The following NPAS2 variants were observed in gnomAD, a reference collection of about 807,000 sequenced individuals.
The protein encoded by NPAS2 is neuronal PAS domain protein 2, also known as neuronal PAS domain-containing protein 2.
In NPAS2, 23 loss-of-function variants were observed where a neutral mutation model predicts 107.5. The observed-to-expected ratio is 0.21, with a 90% CI of 0.15 to 0.30. The LOEUF is 0.30. Among genes scored for constraint, NPAS2 ranks in the 10% least tolerant of loss-of-function variants. The probability of loss-of-function intolerance (pLI) is 1.00; values close to 1 mark genes in which losing one functional copy is unlikely to be tolerated. For missense variants in NPAS2, 756 were observed against 1,043.3 expected (o/e 0.72, Z 3.79); for synonymous variants, 403 against 417.5 (o/e 0.97, Z 0.42).
At position 100,959,168 on chromosome 2, in the gene NPAS2, G is replaced by C. The variant is rs117103433; in HGVS notation, c.599-4890G>C. On this transcript the variant is annotated intron_variant, in intron 7 of 20. Transcript: ENST00000335681. ...TCCTGTGATCCCAGCTGCTTAGGAG[G>C]CTGAGGTGGGAGGATCAGTTGAGCC... 1.4e-3 allele frequency among the ~76,000 whole-genome samples: 208 copies of C among 151,984 alleles called. 5 individuals carry two copies. The East Asian group carries it at 0.033, about 24-fold the overall frequency.
At chr2:100,911,267 G>C (rs1682531221) in intron 2 of NPAS2, among the ~76,000 whole-genome samples, 1 of 152,116 alleles carries the variant, frequency 6.6e-6, no homozygotes. Context: ...CTTTCTTCAA[G>C]TAATTCTTCA....
intron 17 of NPAS2, chr2:100,989,954 T>G (rs1326808025): frequency 5.6e-6 from 2 of 357,136 alleles, no homozygotes; most frequent in East Asian, 1.1e-4. Flanking sequence ...GTAGGCCTGG[T>G]GAGTTGGAGA....
intron 2 of NPAS2, among the ~76,000 whole-genome samples, chr2:100,907,902 A>G (rs1265719065): frequency 6.6e-6 from 1 of 152,190 alleles, no homozygotes; most frequent in African/African-American, 2.4e-5. Context: ...CCTTGTACTC[A>G]AGAAGGAAAC....
rs147573869 is a variant in NPAS2, at chr2:100,924,357, A to G, written c.33-789A>G. The stretch of plus-strand genomic sequence containing the variant: ...ACCAGTATGGTGTCATACAGAGTGG[A>G]TTCACTGCCCTAAAAATCCTCTGTT... On this transcript the variant is annotated intron_variant, in intron 2 of 20. Coordinates refer to ENST00000335681, the MANE Select transcript of NPAS2 (RefSeq NM_002518.4). 2.3e-3 allele frequency among the ~76,000 whole-genome samples: 347 copies of G among 152,332 alleles called. 3 individuals carry two copies. Among genetic ancestry groups the G allele is most frequent in the African/African-American group, 8.1e-3 (336 of 41,594 alleles).
chr2:100,964,266 T>C (rs1286781440), intron 8 of NPAS2, 90 bp downstream of exon 8: 14 of 900,628 alleles, frequency 1.6e-5, no homozygotes, highest in Admixed American at 7.1e-5. Context: ...TGGGAGGGAA[T>C]AAATTGCAGT....
At chr2:100,967,349 C>G (rs1008532166) in intron 10 of NPAS2, among the ~76,000 whole-genome samples, 1 of 142,966 alleles carries the variant, frequency 7.0e-6, no homozygotes, top group Non-Finnish European at 1.5e-5. Flanking sequence ...GCCTCAGCCT[C>G]GTGAGTAGCT....
chr2:100,982,309 C>T lies in NPAS2; in HGVS notation c.1561C>T (p.Arg521Trp), dbSNP rs970914423. Residue 521 changes from arginine (R) to tryptophan (W), a missense_variant, in exon 16 of 21, where the codon CGG becomes TGG. Coordinates refer to ENST00000335681, the MANE Select transcript of NPAS2 (RefSeq NM_002518.4). ...QRTRILQANI[R>W]WQQEELHKIQ... Reference sequence around the variant, plus strand: ...GACGCGGATCCTGCAGGCCAATATCCGGTGGCAACAGGAAGAGCTCCACAA... The same window carrying T: ...GACGCGGATCCTGCAGGCCAATATCTGGTGGCAACAGGAAGAGCTCCACAA... The T allele has an allele frequency of 1.1e-5, 18 of 1,614,072 alleles. No homozygotes were observed. Among genetic ancestry groups the T allele is most frequent in the South Asian group, 2.2e-5 (2 of 91,082 alleles).
Position 100,995,544 on chromosome 2 carries a change from C to CT in NPAS2, c.2438dup (p.Ser814ValfsTer2). 6.2e-7 allele frequency: 1 copy of CT among 1,610,876 alleles called. No individual in the cohort carries two copies. The highest frequency in any genetic ancestry group is 1.1e-5 in the South Asian group (1 of 90,784). The stretch of plus-strand genomic sequence containing the variant: ...ACGTCCTCCCCGAAGGGTCAGCAGT[C>CT]TGTCTGAGTCGTCAGGCCTCCAGCA... On this transcript the variant is annotated frameshift_variant, in exon 21 of 21. Transcript: ENST00000335681. LOFTEE classifies it high-confidence loss of function.
chr2:100,893,841 C>T (rs1286013509), intron 1 of NPAS2, among the ~76,000 whole-genome samples: 1 of 152,186 alleles, frequency 6.6e-6, no homozygotes, highest in African/African-American at 2.4e-5. Context: ...GTGGTTGCAA[C>T]AAAGACTGGA....
In NPAS2 at chr2:100,974,823, A is replaced by T. The variant is rs779822835; in HGVS notation, c.1161A>T (p.Glu387Asp). ...TTCAGGACAAGGGCTCAAGCCTGGA[A>T]CCTCGGCAGCACTTTAACACACTCG... ...SALKDKGSSLEPRQHFNTLDV... is the reference protein window; with the variant it reads ...SALKDKGSSLDPRQHFNTLDV... The change falls in exon 13 of 21, where the codon GAA becomes GAT. Residue 387 changes from glutamate to aspartate, a missense_variant. By Grantham distance (45) the Glu-to-Asp change is conservative (BLOSUM62 2). Transcript: ENST00000335681. 1 of 1,614,040 alleles carries T rather than the reference A, an allele frequency of 6.2e-7. No homozygotes were observed. Among genetic ancestry groups the T allele is most frequent in the East Asian group, 2.2e-5 (1 of 44,858 alleles).
chr2:100,955,899 T>G lies in NPAS2; in HGVS notation c.598+6419T>G, dbSNP rs1490475420. On this transcript the variant is annotated intron_variant, in intron 7 of 20. Coordinates refer to ENST00000335681, the MANE Select transcript of NPAS2 (RefSeq NM_002518.4). ...CTCTCTTTTGAAAATATTTTCAGTT[T>G]TTTGTTTGTTTGTTTGTTTTTTTGA... is the stretch of plus-strand genomic sequence containing the variant. Among the ~76,000 whole-genome samples the G allele has an allele frequency of 2.0e-5, 3 of 151,880 alleles. No homozygotes were observed. In the East Asian group the frequency reaches 5.8e-4, roughly 29 times the overall value.
intron 1 of NPAS2, among the ~76,000 whole-genome samples, chr2:100,843,123 G>A (rs1228634065): frequency 1.3e-5 from 2 of 151,894 alleles, no homozygotes; most frequent in South Asian, 2.1e-4. Flanking sequence ...GGAGGCTGAG[G>A]CAGGAGGATC....
At chr2:100,914,433 G>T (rs1208833917) in intron 2 of NPAS2, among the ~76,000 whole-genome samples, 1 of 152,194 alleles carries the variant, frequency 6.6e-6, no homozygotes, top group Non-Finnish European at 1.5e-5. Flanking sequence ...TATTGGGTTA[G>T]TAAAACTCCA....
chr2:100,833,967 TAATA>T (rs1269820835), intron 1 of NPAS2, among the ~76,000 whole-genome samples: 6 of 152,146 alleles, frequency 3.9e-5, no homozygotes, highest in Non-Finnish European at 2.9e-5. Context: ...CAATTCTGGT[TAATA>T]AGCTGGTTTT....
chr2:100,847,621 T>C (rs1422442959), intron 1 of NPAS2, among the ~76,000 whole-genome samples: 1 of 152,154 alleles, frequency 6.6e-6, no homozygotes, highest in African/African-American at 2.4e-5. Flanking sequence ...CCGCCCACCT[T>C]GGCCTCCCAA....
chr2:100,916,419 C>T (rs1490074590), intron 2 of NPAS2, among the ~76,000 whole-genome samples: 1 of 151,750 alleles, frequency 6.6e-6, no homozygotes, highest in East Asian at 1.9e-4. Flanking sequence ...AAATGATATA[C>T]CAAACAAACA....
intron 2 of NPAS2, among the ~76,000 whole-genome samples, chr2:100,914,121 G>A (rs1352625191): frequency 2.0e-5 from 3 of 152,202 alleles, no homozygotes; most frequent in Non-Finnish European, 2.9e-5. Flanking sequence ...TCTCAGAGAA[G>A]CGCCTCCAAG....
intron 1 of NPAS2, among the ~76,000 whole-genome samples, chr2:100,827,697 G>A (rs957462375): frequency 1.4e-4 from 22 of 152,184 alleles, no homozygotes; most frequent in East Asian, 1.9e-4. Context: ...CTGCATCCAC[G>A]TTGCTGTAAA....
chr2:100,874,796 GC>G (rs761415670), intron 1 of NPAS2, among the ~76,000 whole-genome samples: 1 of 152,066 alleles, frequency 6.6e-6, no homozygotes, highest in Non-Finnish European at 1.5e-5. Context: ...CGTTCTCACA[GC>G]CCTGCAAAAT....
Sources: gnomAD v4.1 joint callset for allele counts (sites outside exome capture counted in the v4.1 genomes callset) on GRCh38, gnomAD v4.1.1 for gene constraint, MANE v1.5 for transcripts, NCBI Gene and HGNC (gene_info 2026-07-23, HGNC 2026-07-21) for gene names.